Variants in DAB1 observed in about 807,000 individuals in gnomAD.
DAB1 encodes the protein disabled homolog 1.
Under a neutral mutation model 64.6 loss-of-function variants are expected in DAB1, and 15 were observed. That is an observed-to-expected ratio of 0.23 (90% CI 0.16 to 0.36). DAB1 has a LOEUF of 0.36. Among genes scored for constraint, DAB1 ranks in the 10% least tolerant of loss-of-function variants. DAB1 has a pLI of 1.00. For synonymous variants in DAB1, 235 were observed against 251.9 expected (o/e 0.93, Z 0.64); for missense variants, 596 against 706.7 (o/e 0.84, Z 1.78).
At chr1:58,130,521 G>T (rs976421038) in intron 5 of DAB1, among the ~76,000 whole-genome samples, 1 of 151,976 alleles carries the variant, frequency 6.6e-6, no homozygotes, top group Non-Finnish European at 1.5e-5. Flanking sequence ...TGGTGATTTT[G>T]CTCGTTAGTT....
At chr1:58,519,626 A>G (rs571782074) in intron 2 of DAB1, among the ~76,000 whole-genome samples, 1 of 152,336 alleles carries the variant, frequency 6.6e-6, no homozygotes, top group East Asian at 1.9e-4. Context: ...TATATGAAAC[A>G]TCCAGCATTC....
chr1:57,757,799 C>G (rs1648887929), intron 6 of DAB1, among the ~76,000 whole-genome samples: 1 of 152,096 alleles, frequency 6.6e-6, no homozygotes, highest in South Asian at 2.1e-4. Flanking sequence ...TATTTTACCC[C>G]TTGGAGACTC....
intron 3 of DAB1, among the ~76,000 whole-genome samples, chr1:58,371,226 G>T (rs1644261648): frequency 1.3e-5 from 2 of 152,184 alleles, no homozygotes; most frequent in Admixed American, 6.5e-5. Context: ...ATTGGGAATT[G>T]GAACAAAGGT....
chr1:57,866,783 G>T (rs1018467153), intron 1 of DAB1, among the ~76,000 whole-genome samples: 26 of 152,088 alleles, frequency 1.7e-4, no homozygotes, highest in African/African-American at 6.0e-4. Context: ...ATGAGCACAG[G>T]ATTGTGTTTA....
chr1:57,237,555 T>A (rs985316657), intron 2 of DAB1, among the ~76,000 whole-genome samples: 1 of 152,238 alleles, frequency 6.6e-6, no homozygotes, highest in African/African-American at 2.4e-5. Flanking sequence ...ATTTTTCTAA[T>A]ATCCTGGACT....
intron 5 of DAB1, among the ~76,000 whole-genome samples, chr1:58,113,583 G>A (rs1291218241): frequency 6.6e-6 from 1 of 152,036 alleles, no homozygotes; most frequent in Non-Finnish European, 1.5e-5. Context: ...TTTGTGTACT[G>A]GAATCCCTGG....
intron 6 of DAB1, among the ~76,000 whole-genome samples, chr1:57,803,715 C>T (rs1651235824): frequency 6.6e-6 from 1 of 152,158 alleles, no homozygotes; most frequent in Non-Finnish European, 1.5e-5. Context: ...AGAACTAGAC[C>T]TTGAAAAAAG....
At chr1:57,220,542 G>A (rs1004761041) in intron 2 of DAB1, among the ~76,000 whole-genome samples, 2 of 152,188 alleles carry the variant, frequency 1.3e-5, no homozygotes, top group Non-Finnish European at 2.9e-5. Context: ...CAGGGAAACA[G>A]AGCCTTAGAG....
chr1:57,844,796 C>T (rs1653208045), intron 1 of DAB1, among the ~76,000 whole-genome samples: 1 of 152,120 alleles, frequency 6.6e-6, no homozygotes, highest in African/African-American at 2.4e-5. Context: ...CTTCTTCAGG[C>T]TGTATACATC....
At chr1:57,554,449 T>A (rs1176585700) in intron 7 of DAB1, among the ~76,000 whole-genome samples, 1 of 152,242 alleles carries the variant, frequency 6.6e-6, no homozygotes, top group African/African-American at 2.4e-5. Context: ...TCCTGGCATA[T>A]AGTAAATGCT....
At chr1:58,174,596 G>A (rs562964606) in intron 4 of DAB1, among the ~76,000 whole-genome samples, 3 of 152,318 alleles carry the variant, frequency 2.0e-5, no homozygotes, top group African/African-American at 7.2e-5. Context: ...TGTTTAGAGG[G>A]GGGATTGAGA....
chr1:58,053,595 T>C (rs892387362), intron 5 of DAB1, among the ~76,000 whole-genome samples: 7 of 152,040 alleles, frequency 4.6e-5, no homozygotes, highest in African/African-American at 1.7e-4. Flanking sequence ...AATTTCAACA[T>C]GAAGTTTGGA....
At chr1:57,691,727 G>A (rs926575533) in intron 6 of DAB1, among the ~76,000 whole-genome samples, 2 of 152,110 alleles carry the variant, frequency 1.3e-5, no homozygotes, top group Non-Finnish European at 2.9e-5. Flanking sequence ...CTTCATTCTT[G>A]AAGTCAGCAA....
chr1:58,543,062 A>G (rs1646646704), intron 1 of DAB1, among the ~76,000 whole-genome samples: 1 of 152,138 alleles, frequency 6.6e-6, no homozygotes, highest in African/African-American at 2.4e-5. Flanking sequence ...GTGAGAGACC[A>G]CAAAGCCAGA....
chr1:57,614,519 T>A (rs958711884), intron 7 of DAB1, among the ~76,000 whole-genome samples: 1 of 152,206 alleles, frequency 6.6e-6, no homozygotes, highest in South Asian at 2.1e-4. Context: ...ATAAGTTTAT[T>A]CCTCCCTCCC....
At chr1:58,002,680 T>TAA in intron 5 of DAB1, among the ~76,000 whole-genome samples, 1 of 151,888 alleles carries the variant, frequency 6.6e-6, no homozygotes, top group East Asian at 1.9e-4. Flanking sequence ...TATATATATA[T>TAA]AGAGAGAGAG....
intron 4 of DAB1, among the ~76,000 whole-genome samples, chr1:58,318,768 C>T (rs978425785): frequency 2.6e-5 from 4 of 152,216 alleles, no homozygotes; most frequent in Non-Finnish European, 5.9e-5. Flanking sequence ...CAGATCTTTA[C>T]TCACCTCGAA....
intron 5 of DAB1, among the ~76,000 whole-genome samples, chr1:58,093,086 C>G: frequency 6.6e-6 from 1 of 152,168 alleles, no homozygotes; most frequent in East Asian, 1.9e-4. Context: ...TTATGCTCTC[C>G]CATTTTGCTG....
At chr1:57,837,116 C>G (rs1363633773) in intron 1 of DAB1, among the ~76,000 whole-genome samples, 1 of 152,198 alleles carries the variant, frequency 6.6e-6, no homozygotes, top group Non-Finnish European at 1.5e-5. Flanking sequence ...CAGGCTACAA[C>G]AGTAGTCTCA....
Sources: gnomAD v4.1 joint callset for allele counts (sites outside exome capture counted in the v4.1 genomes callset) on GRCh38, gnomAD v4.1.1 for gene constraint, MANE v1.5 for transcripts, NCBI Gene and HGNC (gene_info 2026-07-23, HGNC 2026-07-21) for gene names.